The following BAZ2B variants were observed in gnomAD, a reference collection of about 807,000 sequenced individuals.
BAZ2B encodes the protein bromodomain adjacent to zinc finger domain protein 2B.
In BAZ2B, 91 loss-of-function variants were observed where a neutral mutation model predicts 246.0. The ratio of observed to expected loss-of-function variants is 0.37; its 90% CI spans 0.31 to 0.44. The LOEUF is 0.44. Among genes scored for constraint, BAZ2B ranks in the 20% least tolerant of loss-of-function variants. The pLI is 1.00. For missense variants in BAZ2B, 2,332 were observed against 2,533.7 expected, an observed-to-expected ratio of 0.92 and a Z score of 1.71; for synonymous variants, 855 against 860.0, an observed-to-expected ratio of 0.99 and a Z score of 0.10.
intron 36 of BAZ2B, 152 bp from the exon 37 acceptor site, chr2:159,320,570 G>A: frequency 1.6e-6 from 1 of 628,514 alleles, no homozygotes; most frequent in South Asian, 2.7e-5. Flanking sequence ...TCTTACAAAT[G>A]GAACATTTAA....
At chr2:159,467,412 C>T (rs908064255) in intron 3 of BAZ2B, among the ~76,000 whole-genome samples, 11 of 152,138 alleles carry the variant, frequency 7.2e-5, no homozygotes, top group African/African-American at 2.2e-4. Flanking sequence ...CTCCCTCAGA[C>T]GGGCCTTTCC....
chr2:159,442,898 T>C (rs747844463), intron 6 of BAZ2B, among the ~76,000 whole-genome samples: 16 of 152,234 alleles, frequency 1.1e-4, no homozygotes, highest in Non-Finnish European at 8.8e-5. Context: ...TGTACACATG[T>C]GCCTCCCCAT....
At chr2:159,398,296 A>G in intron 18 of BAZ2B, 1 of 152,156 alleles carries the variant, frequency 6.6e-6, no homozygotes, top group East Asian at 1.9e-4. Context: ...CATGAAGTTA[A>G]AATAATTAAA....
At chr2:159,419,386 G>C (rs2068331709) in intron 13 of BAZ2B, among the ~76,000 whole-genome samples, 1 of 152,090 alleles carries the variant, frequency 6.6e-6, no homozygotes, top group African/African-American at 2.4e-5. Flanking sequence ...TCAAAATTTT[G>C]TTGGATTTCC....
At chr2:159,370,168 C>G (rs55772369) in intron 27 of BAZ2B, among the ~76,000 whole-genome samples, 1 of 151,830 alleles carries the variant, frequency 6.6e-6, no homozygotes, top group East Asian at 1.9e-4. Flanking sequence ...TGGGGCCTGT[C>G]GTGGGGTGGT....
chr2:159,685,647 C>A, the BAZ2B span, among the ~76,000 whole-genome samples: 1 of 152,040 alleles, frequency 6.6e-6, no homozygotes, highest in Non-Finnish European at 1.5e-5. Flanking sequence ...AAGCCTACCA[C>A]AGAGAACTCC....
chr2:159,608,777 T>TA (rs914085606), intron 1 of BAZ2B, among the ~76,000 whole-genome samples: 12 of 152,022 alleles, frequency 7.9e-5, no homozygotes, highest in Non-Finnish European at 1.8e-4. Context: ...ATTTGTTGTT[T>TA]AAAAAAAAGT....
intron 13 of BAZ2B, among the ~76,000 whole-genome samples, chr2:159,416,477 A>C (rs2067735792): frequency 6.6e-6 from 1 of 152,200 alleles, no homozygotes; most frequent in Non-Finnish European, 1.5e-5. Flanking sequence ...AACTTGTAAA[A>C]TATAAAGGTA....
At chr2:159,440,266 A>C (rs1440132071) in intron 6 of BAZ2B, among the ~76,000 whole-genome samples, 1 of 152,152 alleles carries the variant, frequency 6.6e-6, no homozygotes, top group Non-Finnish European at 1.5e-5. Context: ...GATAAAGAAC[A>C]AAATATAGAA....
chr2:159,533,188 A>T (rs2085554654), intron 2 of BAZ2B, among the ~76,000 whole-genome samples: 1 of 152,198 alleles, frequency 6.6e-6, no homozygotes, highest in Non-Finnish European at 1.5e-5. Flanking sequence ...AGAAAACAGC[A>T]ATCTAAAGTG....
chr2:159,687,708 G>A, the BAZ2B span, among the ~76,000 whole-genome samples: 1 of 152,132 alleles, frequency 6.6e-6, no homozygotes, highest in Non-Finnish European at 1.5e-5. Context: ...ATAATAAATC[G>A]TTGAACATGA....
chr2:159,519,318 T>C (rs1418400560), intron 2 of BAZ2B, among the ~76,000 whole-genome samples: 5 of 133,516 alleles, frequency 3.7e-5, no homozygotes, highest in South Asian at 2.6e-4. Flanking sequence ...CAAGCTCCGC[T>C]TCCCGGGTTC....
chr2:159,510,449 A>G (rs1352996771), intron 2 of BAZ2B, among the ~76,000 whole-genome samples: 1 of 152,166 alleles, frequency 6.6e-6, no homozygotes, highest in African/African-American at 2.4e-5. Flanking sequence ...GGATTCAGGC[A>G]TGAGCCACTG....
intron 2 of BAZ2B, among the ~76,000 whole-genome samples, chr2:159,519,362 T>A (rs1245744598): frequency 4.7e-5 from 7 of 149,032 alleles, no homozygotes; most frequent in Non-Finnish European, 1.0e-4. Flanking sequence ...CCCGAGTAGC[T>A]GGGACTACAG....
At chr2:159,534,590 T>C (rs975989572) in intron 2 of BAZ2B, among the ~76,000 whole-genome samples, 10 of 152,136 alleles carry the variant, frequency 6.6e-5, no homozygotes, top group South Asian at 2.1e-4. Flanking sequence ...TCCTGTGACA[T>C]TGTATTCTGA....
chr2:159,637,951 A>AG, the BAZ2B span, among the ~76,000 whole-genome samples: 1,188 of 152,328 alleles, frequency 7.8e-3, 4 homozygotes, highest in Non-Finnish European at 0.012. Flanking sequence ...GCCACCCTGA[A>AG]GGAAAGGTCC....
the BAZ2B span, among the ~76,000 whole-genome samples, chr2:159,685,065 T>A: frequency 6.6e-6 from 1 of 152,204 alleles, no homozygotes; most frequent in Non-Finnish European, 1.5e-5. Flanking sequence ...CCTTTTTATG[T>A]ATGCATATTA....
the BAZ2B span, among the ~76,000 whole-genome samples, chr2:159,683,721 T>A: frequency 3.6e-4 from 55 of 152,302 alleles, no homozygotes; most frequent in Middle Eastern, 6.8e-3. Context: ...TTCCAGGGAC[T>A]ACCAGTATTC....
intron 1 of BAZ2B, among the ~76,000 whole-genome samples, chr2:159,565,777 CA>C (rs35993512): frequency 0.15 from 16,099 of 108,908 alleles, 752 homozygotes; most frequent in East Asian, 0.34. Context: ...ACTCCCATCT[CA>C]AAAAAAAAAA....
Sources: gnomAD v4.1 joint callset for allele counts (sites outside exome capture counted in the v4.1 genomes callset) on GRCh38, gnomAD v4.1.1 for gene constraint, MANE v1.5 for transcripts, NCBI Gene and HGNC (gene_info 2026-07-23, HGNC 2026-07-21) for gene names.